AP3S1: variants seen among roughly 807,000 people sequenced by gnomAD.
AP3S1 encodes the protein AP-3 complex subunit sigma-1.
AP3S1 carries 12 observed loss-of-function variants against 21.3 expected under a neutral mutation model. The observed-to-expected ratio is 0.56, with a 90% CI of 0.36 to 0.91. The LOEUF (loss-of-function observed/expected upper bound fraction) is 0.91. Ranked by LOEUF, AP3S1 falls within the 40% of genes least tolerant of loss-of-function variation. The pLI is 0.01. For synonymous variants in AP3S1, 48 were observed against 78.4 expected (o/e 0.61, Z 2.05); for missense variants, 116 against 225.0 (o/e 0.52, Z 3.10).
intron 1 of AP3S1, among the ~76,000 whole-genome samples, chr5:115,854,967 A>G (rs77124987): frequency 0.033 from 4,980 of 151,668 alleles, 295 homozygotes; most frequent in African/African-American, 0.11. Context: ...TTATAAAGTT[A>G]TTTTCTATAT....
chr5:115,905,305 G>A (rs1311894914), intron 5 of AP3S1, among the ~76,000 whole-genome samples: 1 of 152,194 alleles, frequency 6.6e-6, no homozygotes, highest in African/African-American at 2.4e-5. Flanking sequence ...AATGGAAATA[G>A]TTATAAGAAT....
chr5:115,868,990 G>T (rs1747979508), intron 2 of AP3S1, among the ~76,000 whole-genome samples: 2 of 143,740 alleles, frequency 1.4e-5, no homozygotes, highest in Non-Finnish European at 3.0e-5. Flanking sequence ...AGGGAGAGAT[G>T]CCATTTTCCC....
intron 4 of AP3S1, among the ~76,000 whole-genome samples, chr5:115,901,553 C>CT (rs1375375319): frequency 0.016 from 2,278 of 140,840 alleles, 20 homozygotes; most frequent in African/African-American, 0.019. Flanking sequence ...ATAATGATGA[C>CT]TTTTTTTTTT....
At chr5:115,844,709 C>G (rs975595231) in intron 1 of AP3S1, among the ~76,000 whole-genome samples, 41 of 152,278 alleles carry the variant, frequency 2.7e-4, no homozygotes, top group African/African-American at 8.7e-4. Flanking sequence ...AATTCAACCC[C>G]TTGTTCTAGG....
At position 115,872,175 on chromosome 5, in the gene AP3S1, G is replaced by A. The variant is rs375785378; in HGVS notation, c.273+2047G>A. On this transcript the variant is annotated intron_variant, in intron 3 of 5. Transcript: ENST00000316788. Reference sequence around the variant, plus strand: ...ACAGGCATGCTGTTCTGCACCTGTCGTCCCAATCACTTGGGAGGCTGAGGC... The same window carrying A: ...ACAGGCATGCTGTTCTGCACCTGTCATCCCAATCACTTGGGAGGCTGAGGC... Among the ~76,000 whole-genome samples the A allele has an allele frequency of 1.3e-3, 192 of 152,160 alleles. No homozygotes were observed. The South Asian group carries it at 0.017, about 13-fold the overall frequency.
chr5:115,845,723 A>G (rs952278237), intron 1 of AP3S1, among the ~76,000 whole-genome samples: 1 of 151,552 alleles, frequency 6.6e-6, no homozygotes, highest in Non-Finnish European at 1.5e-5. Flanking sequence ...AAGTGCAGCT[A>G]CTCGCTCGAG....
intron 1 of AP3S1, among the ~76,000 whole-genome samples, chr5:115,866,171 T>C (rs551834777): frequency 4.7e-4 from 72 of 152,354 alleles, no homozygotes; most frequent in African/African-American, 1.7e-3. Context: ...TCCTTGGCTT[T>C]AGATCGGCTT....
At chr5:115,873,665 A>G (rs1456728010) in intron 3 of AP3S1, among the ~76,000 whole-genome samples, 1 of 152,150 alleles carries the variant, frequency 6.6e-6, no homozygotes, top group Non-Finnish European at 1.5e-5. Flanking sequence ...ATAAACAAAG[A>G]TGGAAGTGCA....
intron 1 of AP3S1, among the ~76,000 whole-genome samples, chr5:115,856,551 G>C: frequency 6.6e-6 from 1 of 151,896 alleles, no homozygotes; most frequent in East Asian, 1.9e-4. Context: ...AACCTCCAGG[G>C]CTCAAGGGCC....
intron 3 of AP3S1, among the ~76,000 whole-genome samples, chr5:115,883,887 T>C (rs1341623862): frequency 6.6e-6 from 1 of 152,242 alleles, no homozygotes; most frequent in East Asian, 1.9e-4. Flanking sequence ...ATTCAGAGGT[T>C]ACTTTCAGTT....
Position 115,842,107 on chromosome 5 carries a change from G to C in AP3S1, c.69+1G>C. On this transcript the variant is annotated splice_donor_variant, in intron 1 of 5. Coordinates refer to ENST00000316788, the MANE Select transcript of AP3S1 (RefSeq NM_001284.4). LOFTEE classifies it high-confidence loss of function. ...GCTCTCCAAGTTCTACCAGCCCTAC[G>C]TGAGTATCCAGCCGCCGCTGATCCG... 2 of 884,608 alleles carry C rather than the reference G, an allele frequency of 2.3e-6. No individual in the cohort carries two copies. Among genetic ancestry groups the C allele is most frequent in the Non-Finnish European group, 3.1e-6 (2 of 641,886 alleles). 54.8% of individuals were successfully genotyped at this position (884,608 alleles called of 1,614,324 possible).
At chr5:115,897,493 T>G (rs1750851783) in intron 4 of AP3S1, among the ~76,000 whole-genome samples, 1 of 152,216 alleles carries the variant, frequency 6.6e-6, no homozygotes, top group Non-Finnish European at 1.5e-5. Context: ...GATATATTTT[T>G]TTAAATTTCA....
At chr5:115,863,568 C>T (rs1763363517) in intron 1 of AP3S1, among the ~76,000 whole-genome samples, 1 of 151,894 alleles carries the variant, frequency 6.6e-6, no homozygotes, top group South Asian at 2.1e-4. Context: ...GAGACTCCAT[C>T]TCAAAAAAAA....
intron 3 of AP3S1, among the ~76,000 whole-genome samples, chr5:115,892,414 C>T (rs1488490863): frequency 2.6e-5 from 4 of 152,140 alleles, no homozygotes; most frequent in Admixed American, 6.5e-5. Flanking sequence ...CCTAAGTGTT[C>T]ATCAGCAGAC....
Position 115,871,956 on chromosome 5 carries a change from G to A in AP3S1, c.273+1828G>A, listed in dbSNP as rs191727308. On this transcript the variant is annotated intron_variant, in intron 3 of 5. Coordinates refer to ENST00000316788, the MANE Select transcript of AP3S1 (RefSeq NM_001284.4). ...CTAGTTGGCGTTACAGAATAGACAA[G>A]AAATTAACCCAAGCAGACAACTTAG... is the stretch of plus-strand genomic sequence containing the variant. Among the ~76,000 whole-genome samples the A allele has an allele frequency of 3.9e-4, 60 of 152,248 alleles. 2 individuals carry two copies. In the South Asian group the frequency reaches 0.012, roughly 30 times the overall value.
At chr5:115,842,496 G>T (rs1348801776) in intron 1 of AP3S1, 2 of 172,928 alleles carry the variant, frequency 1.2e-5, no homozygotes, top group African/African-American at 4.7e-5. Context: ...TGCCGCCCGC[G>T]GCTGCAGTTA....
At chr5:115,886,456 C>T (rs552155471) in intron 3 of AP3S1, among the ~76,000 whole-genome samples, 1 of 152,260 alleles carries the variant, frequency 6.6e-6, no homozygotes, top group East Asian at 1.9e-4. Context: ...TTATGATGAA[C>T]CATTTCCACT....
chr5:115,843,870 C>A (rs939110015), intron 1 of AP3S1, among the ~76,000 whole-genome samples: 5 of 152,188 alleles, frequency 3.3e-5, no homozygotes, highest in African/African-American at 1.2e-4. Context: ...TGTTTACCAT[C>A]ACTTACTAGG....
chr5:115,911,225 A>G (rs1026799224), intron 5 of AP3S1, among the ~76,000 whole-genome samples: 7 of 152,018 alleles, frequency 4.6e-5, no homozygotes, highest in African/African-American at 7.2e-5. Context: ...TTAGCTCTTC[A>G]TGGTACAGGA....
Sources: gnomAD v4.1 joint callset for allele counts (sites outside exome capture counted in the v4.1 genomes callset) on GRCh38, gnomAD v4.1.1 for gene constraint, MANE v1.5 for transcripts, NCBI Gene and HGNC (gene_info 2026-07-23, HGNC 2026-07-21) for gene names.